The following ZBTB25 variants were observed in gnomAD, a reference collection of about 807,000 sequenced individuals.
ZBTB25 encodes zinc finger and BTB domain containing 25.
ZBTB25 carries 20 observed loss-of-function variants against 34.2 expected under a neutral mutation model. The observed-to-expected ratio is 0.58, with a 90% CI of 0.41 to 0.85. The LOEUF is 0.85. Ranked by LOEUF, ZBTB25 falls within the 40% of genes least tolerant of loss-of-function variation. The probability of loss-of-function intolerance (pLI) is 0.00; values close to 1 mark genes in which losing one functional copy is unlikely to be tolerated. For missense variants in ZBTB25, 437 were observed against 521.8 expected (o/e 0.84, Z 1.58); for synonymous variants, 175 against 186.4 (o/e 0.94, Z 0.50).
Position 64,493,432 on chromosome 14 carries a change from G to A in ZBTB25, c.-7-2892C>T, listed in dbSNP as rs547464124. On this transcript the variant is annotated intron_variant, in intron 1 of 2. Transcript: ENST00000608382. ...TAATGATATAATGCACTTAGAAACA[G>A]TGGGCCCACAGTTAGTGCCTAATAA... Among the ~76,000 whole-genome samples, 9 of 152,270 alleles carry A rather than the reference G, an allele frequency of 5.9e-5. No homozygotes were observed. The South Asian group carries it at 1.9e-3, about 32-fold the overall frequency.
intron 1 of ZBTB25, among the ~76,000 whole-genome samples, chr14:64,498,726 C>A (rs535099176): frequency 1.3e-5 from 2 of 151,896 alleles, no homozygotes; most frequent in Non-Finnish European, 2.9e-5. Context: ...CTCCGCCTCC[C>A]GGGTTCGCGC....
rs1596606200 is a variant in ZBTB25 at position 64,483,881 on chromosome 14, T to G, written c.*3042A>C. The G allele has an allele frequency of 7.4e-6, 1 of 135,910 alleles. No individual in the cohort carries two copies. The highest frequency in any genetic ancestry group is 8.4e-5 in the Admixed American group (1 of 11,896). The allele number at this position is 135,910 out of a possible 1,614,324, so 8.4% of individuals were successfully genotyped here. On this transcript the variant is annotated 3_prime_UTR_variant, in exon 3 of 3. Transcript: ENST00000608382. ...ATCACTTGAATTCGAGAGGCGGAGG[T>G]TGCAGTGAGCTGAGATTGCACCACT...
intron 2 of ZBTB25, chr14:64,468,753 A>G (rs1221363899): frequency 6.2e-7 from 1 of 1,614,230 alleles, no homozygotes. Flanking sequence ...TCTAAGAAAA[A>G]GGCAAAATCT....
At chr14:64,468,312 C>T in intron 2 of ZBTB25, 1 of 1,310,924 alleles carries the variant, frequency 7.6e-7, no homozygotes. Flanking sequence ...CCTAGTGTGA[C>T]ATTTTTGCTC....
intron 2 of ZBTB25, chr14:64,469,500 A>C: frequency 3.1e-6 from 5 of 1,613,358 alleles, no homozygotes; most frequent in Non-Finnish European, 4.2e-6. Context: ...GCTGAAAATG[A>C]GCAAGTAGGG....
chr14:64,454,068 T>C (rs940499061), intron 2 of ZBTB25, among the ~76,000 whole-genome samples: 2 of 152,176 alleles, frequency 1.3e-5, no homozygotes, highest in Non-Finnish European at 2.9e-5. Context: ...TGTGTAGAAA[T>C]CCATGAGGAA....
At chr14:64,453,281 A>G (rs1036072613) in intron 2 of ZBTB25, among the ~76,000 whole-genome samples, 8 of 152,180 alleles carry the variant, frequency 5.3e-5, no homozygotes, top group African/African-American at 1.9e-4. Context: ...ATTAAAAGAA[A>G]GTGTTCCTGG....
downstream of ZBTB25, among the ~76,000 whole-genome samples, chr14:64,475,518 C>G (rs912542506): frequency 6.6e-6 from 1 of 151,848 alleles, no homozygotes; most frequent in African/African-American, 2.4e-5. Context: ...GTTGTCCTCA[C>G]AGGCAATTCT....
intron 2 of ZBTB25, among the ~76,000 whole-genome samples, chr14:64,451,159 C>T (rs1386201556): frequency 6.6e-6 from 1 of 151,638 alleles, no homozygotes. Flanking sequence ...TGCGAAACTT[C>T]GTCTCAAAAA....
chr14:64,487,486 A>C lies in ZBTB25; in HGVS notation c.745T>G (p.Ser249Ala), dbSNP rs747033004. The C allele has an allele frequency of 4.3e-6, 7 of 1,614,174 alleles. No homozygotes were observed. The highest frequency in any genetic ancestry group is 5.9e-6 in the Non-Finnish European group (7 of 1,180,012). ...LCHYCGERFD[S>A]RSNLRQHLHT... ...AGATGTTGCCTTAGGTTACTACGGG[A>C]ATCAAAACGTTCCCCACAGTAATGG... Residue 249 changes from serine (S) to alanine (A), a missense_variant, in exon 3 of 3, where the codon TCC becomes GCC. Coordinates refer to ENST00000608382, the MANE Select transcript of ZBTB25 (RefSeq NM_006977.5).
upstream of ZBTB25, chr14:64,505,127 CG>C (rs2079625419): frequency 5.8e-6 from 2 of 344,130 alleles, no homozygotes; most frequent in Non-Finnish European, 1.0e-5. Flanking sequence ...TGCTTGTTGC[CG>C]GCGCGTCAGG....
chr14:64,491,621 G>A (rs1438853141), intron 1 of ZBTB25, among the ~76,000 whole-genome samples: 1 of 152,236 alleles, frequency 6.6e-6, no homozygotes. Context: ...AAGAAGCCGA[G>A]TATAAGCAGC....
intron 2 of ZBTB25, chr14:64,467,622 C>T (rs995211077): frequency 6.6e-6 from 1 of 151,892 alleles, no homozygotes; most frequent in Non-Finnish European, 1.5e-5. Flanking sequence ...GTCTCTAGTT[C>T]TAACTCTGGC....
chr14:64,493,649 C>T (rs1347087878), intron 1 of ZBTB25, among the ~76,000 whole-genome samples: 2 of 152,116 alleles, frequency 1.3e-5, no homozygotes, highest in African/African-American at 2.4e-5. Flanking sequence ...ACTGACATGA[C>T]TTGTCACCAC....
rs865839030 is a variant in ZBTB25 at position 64,487,156 on chromosome 14, G to A, written c.1075C>T (p.Pro359Ser). ...MSCTICGHKF[P>S]RKSQLLEHMY... ...TGTTCCAACAATTGGCTCTTTCGAG[G>A]GAATTTATGACCACAGATGGTACAG... Residue 359 changes from proline to serine, a missense_variant, in exon 3 of 3, where the codon CCT (proline) becomes TCT (serine). Coordinates refer to ENST00000608382, the MANE Select transcript of ZBTB25 (RefSeq NM_006977.5). 6.2e-6 allele frequency: 10 copies of A among 1,613,992 alleles called. No homozygotes were observed. Among genetic ancestry groups the A allele is most frequent in the Non-Finnish European group, 8.5e-6 (10 of 1,179,950 alleles).
At chr14:64,496,623 T>C (rs1445551506) in intron 1 of ZBTB25, among the ~76,000 whole-genome samples, 1 of 152,228 alleles carries the variant, frequency 6.6e-6, no homozygotes, top group African/African-American at 2.4e-5. Context: ...TATTAACATA[T>C]TTTTTCCTAA....
At chr14:64,492,284 G>A (rs1336699284) in intron 1 of ZBTB25, among the ~76,000 whole-genome samples, 2 of 151,744 alleles carry the variant, frequency 1.3e-5, no homozygotes, top group African/African-American at 4.8e-5. Context: ...TCGGCTTACT[G>A]CAACCTCCGC....
chr14:64,487,575 G>A lies in ZBTB25; in HGVS notation c.656C>T (p.Pro219Leu), dbSNP rs765664966. The A allele has an allele frequency of 6.2e-7, 1 of 1,607,832 alleles. No homozygotes were observed. Among genetic ancestry groups the A allele is most frequent in the Non-Finnish European group, 8.5e-7 (1 of 1,175,550 alleles). The stretch of plus-strand genomic sequence containing the variant: ...GCCTGTCACCTCTGATGAGGGTGAG[G>A]GGTGGCTCTGGGAGATCACAGATTC... ...DPESVISQSH[P>L]SPSSEVTGPT... Residue 219 changes from proline to leucine, a missense_variant, in exon 3 of 3, where the codon CCC becomes CTC. Coordinates refer to ENST00000608382, the MANE Select transcript of ZBTB25 (RefSeq NM_006977.5).
rs2078638932 is a variant in ZBTB25, at chr14:64,468,909, A to G, written c.174-19271T>C. The stretch of plus-strand genomic sequence containing the variant: ...CAAACACAGACCCCATTGAATGATC[A>G]GGCAACAAAGGCTAAGTCAACCCAG... On this transcript the variant is annotated intron_variant, in intron 2 of 2. Transcript: ENST00000555220. 1.2e-6 allele frequency: 2 copies of G among 1,614,080 alleles called. No homozygotes were observed. Among genetic ancestry groups the G allele is most frequent in the African/African-American group, 2.7e-5 (2 of 74,948 alleles).
Sources: gnomAD v4.1 joint callset for allele counts (sites outside exome capture counted in the v4.1 genomes callset) on GRCh38, gnomAD v4.1.1 for gene constraint, MANE v1.5 for transcripts, NCBI Gene and HGNC (gene_info 2026-07-23, HGNC 2026-07-21) for gene names.